KCNAB1: variants seen among roughly 807,000 people sequenced by gnomAD.
The protein encoded by KCNAB1 is potassium voltage-gated channel subfamily A regulatory beta subunit 1, also known as voltage-gated potassium channel subunit beta-1.
Under a neutral mutation model 64.6 loss-of-function variants are expected in KCNAB1, and 35 were observed. That is an observed-to-expected ratio of 0.54 (90% CI 0.41 to 0.72). The LOEUF (loss-of-function observed/expected upper bound fraction) is 0.72, where lower values mean the gene tolerates loss of function less well. Among genes scored for constraint, KCNAB1 ranks in the 30% least tolerant of loss-of-function variants. KCNAB1 has a pLI of 0.00. For synonymous variants in KCNAB1, 177 were observed against 183.8 expected (o/e 0.96, Z 0.30); for missense variants, 401 against 512.9 (o/e 0.78, Z 2.11).
At chr3:156,126,750 G>A (rs2108258949) in intron 1 of KCNAB1, among the ~76,000 whole-genome samples, 1 of 152,320 alleles carries the variant, frequency 6.6e-6, no homozygotes, top group East Asian at 1.9e-4. Flanking sequence ...CCAATTATCA[G>A]CTATGTGATT....
chr3:156,531,740 T>C (rs958418946), intron 13 of KCNAB1, among the ~76,000 whole-genome samples: 3 of 152,238 alleles, frequency 2.0e-5, no homozygotes, highest in African/African-American at 4.8e-5. Flanking sequence ...TGCAGTGTTA[T>C]ACGTGGCAAC....
At chr3:156,172,709 G>A (rs1490258328) in intron 1 of KCNAB1, among the ~76,000 whole-genome samples, 2 of 152,204 alleles carry the variant, frequency 1.3e-5, no homozygotes, top group Non-Finnish European at 2.9e-5. Context: ...GAGGTAGTCA[G>A]CATGAAGTCA....
chr3:156,532,811 A>C (rs1718794981), intron 13 of KCNAB1, among the ~76,000 whole-genome samples: 1 of 152,226 alleles, frequency 6.6e-6, no homozygotes, highest in African/African-American at 2.4e-5. Flanking sequence ...AGATAAGGGT[A>C]CACAGTGATG....
At chr3:156,513,362 A>G (rs1717346292) in intron 8 of KCNAB1, among the ~76,000 whole-genome samples, 1 of 152,214 alleles carries the variant, frequency 6.6e-6, no homozygotes, top group South Asian at 2.1e-4. Context: ...ATAAAAAAAT[A>G]CATCTACTGC....
At chr3:156,317,517 T>C (rs372931998) in intron 1 of KCNAB1, among the ~76,000 whole-genome samples, 4 of 151,402 alleles carry the variant, frequency 2.6e-5, no homozygotes, top group African/African-American at 9.7e-5. Flanking sequence ...CATCCATTAA[T>C]ACGTGTGGTA....
intron 1 of KCNAB1, among the ~76,000 whole-genome samples, chr3:156,268,986 T>A (rs1718880241): frequency 6.6e-6 from 1 of 152,218 alleles, no homozygotes; most frequent in African/African-American, 2.4e-5. Context: ...AGTTTAATAG[T>A]TTCAGGTCTT....
chr3:156,516,968 A>T (rs1717604260), intron 11 of KCNAB1, among the ~76,000 whole-genome samples: 1 of 152,240 alleles, frequency 6.6e-6, no homozygotes, highest in South Asian at 2.1e-4. Flanking sequence ...AATTACCTCC[A>T]TTCAGGACAT....
chr3:156,487,573 T>A (rs1715303618), intron 8 of KCNAB1, among the ~76,000 whole-genome samples: 1 of 152,166 alleles, frequency 6.6e-6, no homozygotes, highest in Admixed American at 6.6e-5. Flanking sequence ...AGACTTAAAA[T>A]TTTGACAATC....
intron 1 of KCNAB1, among the ~76,000 whole-genome samples, chr3:156,312,962 C>T (rs1253051802): frequency 6.6e-6 from 1 of 152,146 alleles, no homozygotes; most frequent in Non-Finnish European, 1.5e-5. Flanking sequence ...AATTTGTCCA[C>T]TTTGTGAGCA....
intron 1 of KCNAB1, among the ~76,000 whole-genome samples, chr3:156,337,022 T>A (rs1461909152): frequency 6.6e-6 from 1 of 152,248 alleles, no homozygotes; most frequent in Non-Finnish European, 1.5e-5. Context: ...CAGAGTTTTA[T>A]AAGTGACTGC....
intron 1 of KCNAB1, among the ~76,000 whole-genome samples, chr3:156,340,321 T>C (rs1226507729): frequency 6.6e-6 from 1 of 152,208 alleles, no homozygotes; most frequent in Non-Finnish European, 1.5e-5. Flanking sequence ...GTTTTCCTTC[T>C]GAAAGAGAGA....
At chr3:156,534,847 TG>T (rs1413194288) in intron 13 of KCNAB1, among the ~76,000 whole-genome samples, 1 of 152,174 alleles carries the variant, frequency 6.6e-6, no homozygotes, top group African/African-American at 2.4e-5. Flanking sequence ...TGTTTCAAAG[TG>T]GGGCTTCTCT....
chr3:156,538,819 A>G (rs1169719276), downstream of KCNAB1: 2 of 152,270 alleles, frequency 1.3e-5, no homozygotes, highest in Non-Finnish European at 2.9e-5. Flanking sequence ...TCTATCATCA[A>G]TCAATCAATG....
chr3:156,421,760 G>A, intron 2 of KCNAB1, 101 bp downstream of exon 2: 3 of 977,336 alleles, frequency 3.1e-6, no homozygotes, highest in Non-Finnish European at 4.7e-6. Flanking sequence ...GGTCTCAGAT[G>A]AGGAGGAGGC....
chr3:156,208,727 C>G (rs1342781250), intron 1 of KCNAB1, among the ~76,000 whole-genome samples: 1 of 152,182 alleles, frequency 6.6e-6, no homozygotes, highest in African/African-American at 2.4e-5. Flanking sequence ...GTCCAAGAAT[C>G]CTGCATCCTG....
chr3:156,163,439 A>G (rs1197778821), intron 1 of KCNAB1, among the ~76,000 whole-genome samples: 3 of 152,172 alleles, frequency 2.0e-5, no homozygotes, highest in South Asian at 2.1e-4. Flanking sequence ...TTGTTACCCA[A>G]TGTCAACCTC....
At chr3:156,507,364 T>C (rs1716893547) in intron 8 of KCNAB1, among the ~76,000 whole-genome samples, 2 of 152,088 alleles carry the variant, frequency 1.3e-5, no homozygotes, top group Non-Finnish European at 2.9e-5. Flanking sequence ...AAAAAAACAA[T>C]GTCTCCTGCA....
intron 1 of KCNAB1, among the ~76,000 whole-genome samples, chr3:156,370,243 G>A (rs1726214937): frequency 6.6e-6 from 1 of 152,154 alleles, no homozygotes; most frequent in Admixed American, 6.5e-5. Context: ...ACAGGTCTGG[G>A]CATTCTATTG....
chr3:156,316,797 A>G (rs1191045059), intron 1 of KCNAB1, among the ~76,000 whole-genome samples: 5 of 152,182 alleles, frequency 3.3e-5, no homozygotes, highest in African/African-American at 7.2e-5. Context: ...CTTTACTCTC[A>G]TCTTACTCTG....
Sources: allele counts gnomAD v4.1 joint callset (sites outside exome capture counted in the v4.1 genomes callset), GRCh38; gene constraint gnomAD v4.1.1; transcripts MANE v1.5; gene names NCBI Gene and HGNC (gene_info 2026-07-23, HGNC 2026-07-21).